The following CFAP61 variants were observed in gnomAD, a reference collection of about 807,000 sequenced individuals.
CFAP61 encodes the protein cilia and flagella associated protein 61, also known as cilia- and flagella-associated protein 61.
Under a neutral mutation model 135.6 loss-of-function variants are expected in CFAP61, and 107 were observed. The observed-to-expected ratio is 0.79, with a 90% CI of 0.67 to 0.93. The LOEUF (loss-of-function observed/expected upper bound fraction) is 0.93, where lower values mean the gene tolerates loss of function less well. CFAP61 is among the 40% of genes least tolerant of loss of function. CFAP61 has a pLI of 0.00. For synonymous variants in CFAP61, 575 were observed against 578.5 expected, an observed-to-expected ratio of 0.99 and a Z score of 0.09; for missense variants, 1,507 against 1,556.2, an observed-to-expected ratio of 0.97 and a Z score of 0.53.
rs2045661927 is a variant in CFAP61 at position 20,070,956 on chromosome 20, T to A, written c.246T>A (p.Asp82Glu). The A allele has an allele frequency of 6.2e-7, 1 of 1,614,046 alleles. No individual in the cohort carries two copies. Among genetic ancestry groups the A allele is most frequent in the Non-Finnish European group, 8.5e-7 (1 of 1,180,020 alleles). ...CCAACTGGAATGTTGCCAAGCAGGA[T>A]GACTGGGTGTCAGTGTTCCGGGAGC... Reference protein sequence around the residue: ...DYPNWNVAKQDDWVSVFRELD... With the variant: ...DYPNWNVAKQEDWVSVFRELD... Residue 82 changes from aspartate to glutamate, a missense_variant, in exon 3 of 27, where the codon GAT becomes GAA. Asp to Glu is a conservative substitution (Grantham distance 45). Transcript: ENST00000245957.
chr20:20,249,063 C>T (rs528268095), intron 19 of CFAP61, among the ~76,000 whole-genome samples: 1 of 152,282 alleles, frequency 6.6e-6, no homozygotes, highest in East Asian at 1.9e-4. Flanking sequence ...GTATTTCTCT[C>T]ACCACCAGGC....
At position 20,359,644 on chromosome 20, in the gene CFAP61, A is replaced by G. The variant is rs991895745; in HGVS notation, c.3514-566A>G. Among the ~76,000 whole-genome samples the G allele has an allele frequency of 6.6e-5, 10 of 151,244 alleles. No individual in the cohort carries two copies. Among genetic ancestry groups the G allele is most frequent in the Non-Finnish European group, 1.3e-4 (9 of 67,924 alleles). On this transcript the variant is annotated intron_variant, in intron 26 of 26. Transcript: ENST00000245957. This position sits in a 1 kb window ranked among gnomAD's most constrained non-coding sequence, Gnocchi z 4.0. ...ATGCCATTGCACTCCAGCCTGGGCA[A>G]CAACAGCGAAATTCCGTCTCAAAAA...
chr20:20,060,004 A>G (rs899009714), intron 2 of CFAP61, among the ~76,000 whole-genome samples: 1 of 152,186 alleles, frequency 6.6e-6, no homozygotes, highest in African/African-American at 2.4e-5. Flanking sequence ...TACACAGAGA[A>G]ATCCCAACTG....
chr20:20,351,114 A>G (rs1215622880), intron 26 of CFAP61, among the ~76,000 whole-genome samples: 1 of 152,240 alleles, frequency 6.6e-6, no homozygotes, highest in African/African-American at 2.4e-5. Context: ...CAGAGCAATC[A>G]GGGAAAAAGA....
intron 12 of CFAP61, among the ~76,000 whole-genome samples, chr20:20,167,405 A>G (rs2053917146): frequency 6.6e-6 from 1 of 152,164 alleles, no homozygotes; most frequent in African/African-American, 2.4e-5. Context: ...TTCCCTCAAA[A>G]ACTCCTCAAA....
intron 9 of CFAP61, among the ~76,000 whole-genome samples, chr20:20,158,349 GAAA>G (rs58068878): frequency 5.2e-4 from 53 of 101,800 alleles, no homozygotes; most frequent in South Asian, 1.3e-3. Flanking sequence ...GTGGACCTTT[GAAA>G]AAAAAAAAAA....
intron 25 of CFAP61, chr20:20,323,423 A>G: frequency 2.2e-6 from 1 of 465,082 alleles, no homozygotes; most frequent in African/African-American, 2.1e-5. Context: ...CTCTTAAAAA[A>G]GAGAATTCTC....
chr20:20,358,710 A>C (rs893547488), intron 26 of CFAP61, among the ~76,000 whole-genome samples: 2 of 152,162 alleles, frequency 1.3e-5, no homozygotes, highest in Non-Finnish European at 2.9e-5. Context: ...ATGTGTGCAT[A>C]ATCTCCAGCA....
intron 13 of CFAP61, among the ~76,000 whole-genome samples, chr20:20,182,749 G>T (rs1327489060): frequency 7.0e-6 from 1 of 142,058 alleles, no homozygotes; most frequent in Non-Finnish European, 1.6e-5. Context: ...CTTTGTAAAG[G>T]AAATACCCTT....
At chr20:20,106,464 CAGCCCTGGGAG>C (rs1457400240) in intron 8 of CFAP61, among the ~76,000 whole-genome samples, 1 of 152,238 alleles carries the variant, frequency 6.6e-6, no homozygotes, top group Admixed American at 6.5e-5. Flanking sequence ...CTTTCCTCTT[CAGCCCTGGGAG>C]CGACCTGTGA....
At chr20:20,083,462 A>G (rs1412603203) in intron 6 of CFAP61, among the ~76,000 whole-genome samples, 1 of 152,192 alleles carries the variant, frequency 6.6e-6, no homozygotes, top group African/African-American at 2.4e-5. Flanking sequence ...CCATTTGACT[A>G]AAAACCACCT....
At chr20:20,068,566 G>A (rs2045478711) in intron 2 of CFAP61, among the ~76,000 whole-genome samples, 2 of 152,158 alleles carry the variant, frequency 1.3e-5, no homozygotes, top group African/African-American at 4.8e-5. Context: ...TGAGGAGTGT[G>A]ATCATATGTG....
intron 9 of CFAP61, among the ~76,000 whole-genome samples, chr20:20,154,384 G>A (rs1026380597): frequency 6.6e-6 from 1 of 151,962 alleles, no homozygotes; most frequent in Non-Finnish European, 1.5e-5. Flanking sequence ...AGCAACAAAA[G>A]CCATCCAAAT....
chr20:20,262,190 G>A (rs2052297192), intron 20 of CFAP61, among the ~76,000 whole-genome samples: 1 of 152,168 alleles, frequency 6.6e-6, no homozygotes, highest in African/African-American at 2.4e-5. Flanking sequence ...TACATGAAGA[G>A]GTGGAGTCTA....
chr20:20,232,433 G>T (rs746811685), intron 18 of CFAP61, among the ~76,000 whole-genome samples: 1 of 152,042 alleles, frequency 6.6e-6, no homozygotes, highest in Non-Finnish European at 1.5e-5. Flanking sequence ...CCAGGTGTAT[G>T]CACCTCTCTT....
intron 21 of CFAP61, among the ~76,000 whole-genome samples, chr20:20,272,925 C>A (rs897987014): frequency 1.3e-5 from 2 of 152,124 alleles, no homozygotes; most frequent in African/African-American, 2.4e-5. Context: ...GGTCATCCAA[C>A]GTCACGTTTA....
At chr20:20,074,186 CCTAAATGCCAGG>C in intron 3 of CFAP61, 104 bp from the exon 4 acceptor site, 1 of 807,380 alleles carries the variant, frequency 1.2e-6, no homozygotes, top group South Asian at 1.4e-5. Context: ...AAATATCAAC[CCTAAATGCCAGG>C]CTGTTCTGTG....
chr20:20,245,392 T>C (rs2050367418), intron 18 of CFAP61, among the ~76,000 whole-genome samples: 1 of 152,168 alleles, frequency 6.6e-6, no homozygotes, highest in African/African-American at 2.4e-5. Flanking sequence ...AGTCACGTCT[T>C]ATATGGATGG....
chr20:20,094,008 G>T (rs1301994021), intron 7 of CFAP61, among the ~76,000 whole-genome samples: 1 of 152,130 alleles, frequency 6.6e-6, no homozygotes, highest in Non-Finnish European at 1.5e-5. Flanking sequence ...CTCCCCAGAT[G>T]ATTCCAAGGT....
Sources: gnomAD v4.1 joint callset for allele counts (sites outside exome capture counted in the v4.1 genomes callset) on GRCh38, gnomAD v4.1.1 for gene constraint, Gnocchi (gnomAD v3.1) non-coding constraint, MANE v1.5 for transcripts, NCBI Gene and HGNC (gene_info 2026-07-23, HGNC 2026-07-21) for gene names.